Variants in PCSK5 observed in about 807,000 individuals in gnomAD.
PCSK5 encodes prohormone convertase 5.
In PCSK5, 129 loss-of-function variants were observed where a neutral mutation model predicts 233.2. The ratio of observed to expected loss-of-function variants is 0.55; its 90% CI spans 0.48 to 0.64. The LOEUF (loss-of-function observed/expected upper bound fraction) is 0.64. Among genes scored for constraint, PCSK5 ranks in the 30% least tolerant of loss-of-function variants. The pLI is 0.00. For synonymous variants in PCSK5, 825 were observed against 879.2 expected (o/e 0.94, Z 1.09); for missense variants, 2,076 against 2,430.1 (o/e 0.85, Z 3.06).
At chr9:76,124,665 G>C (rs1832771738) in intron 9 of PCSK5, among the ~76,000 whole-genome samples, 1 of 145,774 alleles carries the variant, frequency 6.9e-6, no homozygotes, top group Non-Finnish European at 1.5e-5. Flanking sequence ...GGAATCACTT[G>C]AACCCGGGAG....
chr9:76,198,924 A>G (rs1168935335), intron 20 of PCSK5, among the ~76,000 whole-genome samples: 1 of 152,210 alleles, frequency 6.6e-6, no homozygotes, highest in African/African-American at 2.4e-5. Flanking sequence ...TTGCACTACA[A>G]GCTTCCCAAG....
chr9:76,303,663 T>A (rs759915130), intron 28 of PCSK5, among the ~76,000 whole-genome samples: 66 of 152,320 alleles, frequency 4.3e-4, no homozygotes, highest in Middle Eastern at 3.4e-3. Flanking sequence ...AGCAACAGGA[T>A]TGTTGCTTGC....
intron 24 of PCSK5, among the ~76,000 whole-genome samples, chr9:76,257,334 A>G (rs1827016896): frequency 3.9e-5 from 6 of 152,170 alleles, no homozygotes; most frequent in Admixed American, 3.9e-4. Flanking sequence ...CAGAGCAGAC[A>G]CCAGAATAGA....
chr9:76,216,874 G>A (rs982501421), intron 20 of PCSK5, among the ~76,000 whole-genome samples: 3 of 152,056 alleles, frequency 2.0e-5, no homozygotes, highest in African/African-American at 4.8e-5. Flanking sequence ...ATGGCGTCTC[G>A]CTGTCACCCA....
chr9:76,028,257 T>G lies in PCSK5; in HGVS notation c.632+1220T>G, dbSNP rs142503320. ...TTTCAGACTTACTGTAACTGCCCAG[T>G]GGGTTCACCTTGCCTGCTGCCTAGA... On this transcript the variant is annotated intron_variant, in intron 5 of 37. Transcript: ENST00000674117. Among the ~76,000 whole-genome samples the G allele has an allele frequency of 7.5e-3, 1,145 of 152,296 alleles. 6 individuals carry two copies. The highest frequency in any genetic ancestry group is 0.01 in the Middle Eastern group (3 of 294).
chr9:75,893,813 AC>A (rs1825706865), intron 1 of PCSK5, among the ~76,000 whole-genome samples: 2 of 152,166 alleles, frequency 1.3e-5, no homozygotes, highest in East Asian at 3.9e-4. Flanking sequence ...GTTACAGAGG[AC>A]CCCTTGAACC....
chr9:75,920,718 A>T (rs185077887), intron 1 of PCSK5, among the ~76,000 whole-genome samples: 18 of 152,242 alleles, frequency 1.2e-4, no homozygotes, highest in Admixed American at 4.6e-4. Context: ...AGGCACAAGA[A>T]TCACTTGAAC....
intron 1 of PCSK5, among the ~76,000 whole-genome samples, chr9:75,909,112 G>A (rs533737063): frequency 2.1e-4 from 32 of 151,928 alleles, no homozygotes; most frequent in Admixed American, 2.1e-3. Flanking sequence ...ATCACCTGAG[G>A]TTAGGAGTTT....
At chr9:76,264,537 C>T (rs747192245) in intron 24 of PCSK5, among the ~76,000 whole-genome samples, 16 of 151,830 alleles carry the variant, frequency 1.1e-4, no homozygotes, top group Non-Finnish European at 1.8e-4. Flanking sequence ...AAAGGTTTAA[C>T]ATCCAGAATC....
chr9:76,059,887 A>G lies in PCSK5; in HGVS notation c.633-8068A>G, dbSNP rs546427437. Among the ~76,000 whole-genome samples the G allele has an allele frequency of 1.3e-4, 20 of 152,314 alleles. No homozygotes were observed. The East Asian group carries it at 2.3e-3, about 18-fold the overall frequency. The stretch of plus-strand genomic sequence containing the variant: ...CCAAATACCTGATTTCTTATCAGAA[A>G]TAATGCAAGCTAGAAGACAGTGGAA... On this transcript the variant is annotated intron_variant, in intron 5 of 37. Coordinates refer to ENST00000674117, the MANE Select transcript of PCSK5 (RefSeq NM_001372043.1).
intron 24 of PCSK5, among the ~76,000 whole-genome samples, chr9:76,272,079 AC>A (rs1024202090): frequency 4.9e-4 from 75 of 152,306 alleles, no homozygotes; most frequent in Admixed American, 1.6e-3. Context: ...TACTTAGAGT[AC>A]TAAGAGTGTT....
intron 35 of PCSK5, among the ~76,000 whole-genome samples, chr9:76,348,548 T>C (rs780682893): frequency 1.3e-4 from 19 of 151,894 alleles, no homozygotes; most frequent in Non-Finnish European, 2.6e-4. Context: ...CACCAAGCCA[T>C]GATTGCACCG....
chr9:76,082,378 C>T (rs533318315), intron 7 of PCSK5, among the ~76,000 whole-genome samples: 2 of 152,226 alleles, frequency 1.3e-5, no homozygotes, highest in South Asian at 4.2e-4. Context: ...TGTAGATGAC[C>T]CCAGGGTTTG....
At chr9:75,950,697 C>T (rs1438417256) in intron 2 of PCSK5, among the ~76,000 whole-genome samples, 1 of 152,132 alleles carries the variant, frequency 6.6e-6, no homozygotes, top group African/African-American at 2.4e-5. Flanking sequence ...AAGCACTAAA[C>T]ATGGAAAGGA....
chr9:76,161,075 G>A (rs1214975926), intron 12 of PCSK5, among the ~76,000 whole-genome samples: 3 of 152,180 alleles, frequency 2.0e-5, no homozygotes, highest in Admixed American at 6.5e-5. Context: ...CGTGCAGCCC[G>A]GAATCTGAAA....
intron 9 of PCSK5, among the ~76,000 whole-genome samples, chr9:76,123,557 T>G (rs537819543): frequency 1.4e-4 from 22 of 152,318 alleles, no homozygotes; most frequent in Non-Finnish European, 2.6e-4. Flanking sequence ...CCATTTTTGT[T>G]AATTATTTTT....
chr9:76,029,431 A>G (rs1232245398), intron 5 of PCSK5, among the ~76,000 whole-genome samples: 1 of 152,218 alleles, frequency 6.6e-6, no homozygotes, highest in Admixed American at 6.5e-5. Context: ...TAGTTTTTGG[A>G]ACATAATTTT....
At chr9:76,274,301 C>T (rs73652911) in intron 24 of PCSK5, among the ~76,000 whole-genome samples, 5,433 of 151,922 alleles carry the variant, frequency 0.036, 314 homozygotes, top group African/African-American at 0.12. Context: ...ACAAACCACA[C>T]GGTTATTTTA....
chr9:76,011,381 A>G (rs908993078), intron 3 of PCSK5, among the ~76,000 whole-genome samples: 6 of 152,234 alleles, frequency 3.9e-5, no homozygotes, highest in East Asian at 1.9e-4. Context: ...CTTGCAAGCA[A>G]CTTTGTAGAT....
Sources: gnomAD v4.1 joint callset for allele counts (sites outside exome capture counted in the v4.1 genomes callset) on GRCh38, gnomAD v4.1.1 for gene constraint, MANE v1.5 for transcripts, NCBI Gene and HGNC (gene_info 2026-07-23, HGNC 2026-07-21) for gene names.